Variants in SEC14L5 observed in about 807,000 individuals in gnomAD.
SEC14L5 encodes SEC14-like protein 5.
Under a neutral mutation model 84.6 loss-of-function variants are expected in SEC14L5, and 96 were observed. The ratio of observed to expected loss-of-function variants is 1.13; its 90% CI spans 0.96 to 1.34. SEC14L5 has a LOEUF of 1.34. Ranked by LOEUF, SEC14L5 falls within the 40% of genes most tolerant of loss-of-function variation. The probability of loss-of-function intolerance (pLI) is 0.00; values close to 1 mark genes in which losing one functional copy is unlikely to be tolerated. For missense variants in SEC14L5, 1,224 were observed against 942.5 expected (o/e 1.30, Z -3.91); for synonymous variants, 546 against 383.4 (o/e 1.42, Z -4.95).
chr16:4,990,667 C>T lies in SEC14L5; in HGVS notation c.346-100C>T, dbSNP rs1955542591. ...GTTGCCAGGCTTGATCTGCTTTCCA[C>T]TGCAGGCTCTGCCTGGGCCCAGGTC... On this transcript the variant is annotated intron_variant, in intron 4 of 15. Transcript: ENST00000251170. The T allele has an allele frequency of 4.1e-6, 5 of 1,233,752 alleles. No individual in the cohort carries two copies. The East Asian group carries it at 8.3e-5, about 20-fold the overall frequency. The allele number at this position is 1,233,752 out of a possible 1,614,324, so 76.4% of individuals were successfully genotyped here.
At chr16:4,989,958 A>G (rs745918616) in intron 4 of SEC14L5, among the ~76,000 whole-genome samples, 2 of 152,140 alleles carry the variant, frequency 1.3e-5, no homozygotes, top group Non-Finnish European at 2.9e-5. Flanking sequence ...GGATCCATAA[A>G]GGAGCTCTGC....
At chr16:4,981,885 T>C (rs1371106503) in intron 2 of SEC14L5, among the ~76,000 whole-genome samples, 1 of 152,164 alleles carries the variant, frequency 6.6e-6, no homozygotes, top group African/African-American at 2.4e-5. Flanking sequence ...CTCCACTGGC[T>C]TTACTCTGCT....
chr16:4,961,535 G>A (rs1486669527), intron 2 of SEC14L5, among the ~76,000 whole-genome samples: 1 of 152,024 alleles, frequency 6.6e-6, no homozygotes, highest in East Asian at 1.9e-4. Context: ...CATCACGTTG[G>A]CCACGCTGGT....
intron 8 of SEC14L5, among the ~76,000 whole-genome samples, chr16:4,997,503 A>C (rs770198761): frequency 1.3e-5 from 2 of 152,210 alleles, no homozygotes; most frequent in Non-Finnish European, 2.9e-5. Flanking sequence ...CTAGCTAGGA[A>C]GAACCAGAGC....
intron 15 of SEC14L5, among the ~76,000 whole-genome samples, chr16:5,013,177 C>T (rs760784861): frequency 2.0e-5 from 3 of 152,076 alleles, no homozygotes; most frequent in African/African-American, 7.2e-5. Context: ...TTGGGGATTA[C>T]AATTTGAGAT....
chr16:4,967,312 G>T (rs1014967096), intron 2 of SEC14L5, among the ~76,000 whole-genome samples: 2 of 151,946 alleles, frequency 1.3e-5, no homozygotes, highest in South Asian at 4.1e-4. Context: ...CCAGATTTCC[G>T]TTTTTTTATA....
At chr16:4,979,823 G>C (rs1373502663) in intron 2 of SEC14L5, among the ~76,000 whole-genome samples, 1 of 152,128 alleles carries the variant, frequency 6.6e-6, no homozygotes, top group Non-Finnish European at 1.5e-5. Flanking sequence ...CCCCTTCCCT[G>C]CATCCCCTTC....
At chr16:4,964,104 G>A (rs1317608793) in intron 2 of SEC14L5, among the ~76,000 whole-genome samples, 1 of 152,204 alleles carries the variant, frequency 6.6e-6, no homozygotes, top group Non-Finnish European at 1.5e-5. Context: ...ATCCAGTGTT[G>A]GAGAGGGTCC....
rs377380927 is a variant in SEC14L5, at chr16:4,990,901, C to T, written c.474+6C>T. ...ACACCGCCAACGTCAAGAGGGTAAGCGGTGGGTTGCGTTAGTTACTGGAGG... is the reference window on the plus strand; with the variant it reads ...ACACCGCCAACGTCAAGAGGGTAAGTGGTGGGTTGCGTTAGTTACTGGAGG... On this transcript the variant is annotated splice_donor_region_variant and intron_variant, in intron 5 of 15. Transcript: ENST00000251170. 4.0e-5 allele frequency: 62 copies of T among 1,569,394 alleles called. No individual in the cohort carries two copies. Among genetic ancestry groups the T allele is most frequent in the South Asian group, 3.7e-4 (31 of 84,890 alleles).
chr16:4,974,036 G>A (rs1389793712), intron 2 of SEC14L5, among the ~76,000 whole-genome samples: 1 of 151,908 alleles, frequency 6.6e-6, no homozygotes, highest in African/African-American at 2.4e-5. Flanking sequence ...CATAGACACA[G>A]AAAGTAGATG....
intron 4 of SEC14L5, among the ~76,000 whole-genome samples, chr16:4,989,009 G>C (rs990495839): frequency 2.0e-5 from 3 of 152,278 alleles, no homozygotes; most frequent in African/African-American, 7.2e-5. Flanking sequence ...AGTGCTGAAG[G>C]ATGAGAGGAG....
intron 15 of SEC14L5, among the ~76,000 whole-genome samples, chr16:5,012,009 A>G (rs1204432578): frequency 6.6e-6 from 1 of 152,212 alleles, no homozygotes; most frequent in African/African-American, 2.4e-5. Flanking sequence ...GATGCTTTAA[A>G]TTCTTTCCCG....
chr16:5,014,690 G>A (rs1226431506), intron 15 of SEC14L5, among the ~76,000 whole-genome samples, 169 bp from the exon 16 acceptor site: 1 of 152,222 alleles, frequency 6.6e-6, no homozygotes, highest in African/African-American at 2.4e-5. Flanking sequence ...GGGAGTGTGG[G>A]GAATTCGGTA....
chr16:4,985,486 C>A (rs573217807), intron 2 of SEC14L5, among the ~76,000 whole-genome samples: 4 of 152,322 alleles, frequency 2.6e-5, no homozygotes, highest in South Asian at 2.1e-4. Flanking sequence ...CCTCAGCCCC[C>A]CAAGGTTCTG....
chr16:4,993,778 A>G (rs147320871), intron 6 of SEC14L5, among the ~76,000 whole-genome samples: 424 of 152,330 alleles, frequency 2.8e-3, no homozygotes, highest in African/African-American at 9.6e-3. Flanking sequence ...ATGAGGTTGT[A>G]CCAATCATTG....
chr16:5,000,093 C>T (rs1270062198), intron 8 of SEC14L5, among the ~76,000 whole-genome samples: 1 of 152,028 alleles, frequency 6.6e-6, no homozygotes, highest in Non-Finnish European at 1.5e-5. Flanking sequence ...GAGTTTGAGA[C>T]CAGCCTGGCC....
At chr16:4,981,061 C>T (rs1568118612) in intron 2 of SEC14L5, among the ~76,000 whole-genome samples, 2 of 133,824 alleles carry the variant, frequency 1.5e-5, no homozygotes, top group African/African-American at 5.7e-5. Context: ...ACACAGGGCC[C>T]GAGGACCACC....
At chr16:5,004,031 G>A (rs1194089026) in intron 11 of SEC14L5, among the ~76,000 whole-genome samples, 1 of 152,260 alleles carries the variant, frequency 6.6e-6, no homozygotes, top group Non-Finnish European at 1.5e-5. Flanking sequence ...AAACAAGGGT[G>A]CAGCCAGCCA....
At chr16:4,996,822 G>T in intron 7 of SEC14L5, 33 bp from the exon 8 acceptor site, 1 of 1,566,140 alleles carries the variant, frequency 6.4e-7, no homozygotes, top group Non-Finnish European at 8.7e-7. Flanking sequence ...AGGGGATACC[G>T]TTCTGTGGGC....
Sources: gnomAD v4.1 joint callset for allele counts (sites outside exome capture counted in the v4.1 genomes callset) on GRCh38, gnomAD v4.1.1 for gene constraint, MANE v1.5 for transcripts, NCBI Gene and HGNC (gene_info 2026-07-23, HGNC 2026-07-21) for gene names.